WDR26: variants seen among roughly 807,000 people sequenced by gnomAD.
WDR26 encodes the protein WD repeat domain 26, also known as WD repeat-containing protein 26.
In WDR26, 5 loss-of-function variants were observed where a neutral mutation model predicts 84.1. The ratio of observed to expected loss-of-function variants is 0.06; its 90% CI spans 0.03 to 0.13. WDR26 has a LOEUF of 0.13. WDR26 is among the 10% of genes least tolerant of loss of function. WDR26 has a pLI of 1.00. For synonymous variants in WDR26, 415 were observed against 389.6 expected (o/e 1.07, Z -0.77); for missense variants, 642 against 974.9 (o/e 0.66, Z 4.55).
chr1:224,403,910 C>G (rs1422116536), intron 8 of WDR26, among the ~76,000 whole-genome samples: 1 of 152,188 alleles, frequency 6.6e-6, no homozygotes, highest in African/African-American at 2.4e-5. Context: ...GCACTCCAGC[C>G]TGGGCGACAG....
chr1:224,414,313 C>T (rs987590030), intron 6 of WDR26, among the ~76,000 whole-genome samples: 1 of 151,944 alleles, frequency 6.6e-6, no homozygotes, highest in Non-Finnish European at 1.5e-5. Context: ...GCCATGTTGC[C>T]CAGGCTGGTC....
intron 6 of WDR26, among the ~76,000 whole-genome samples, chr1:224,412,293 G>A (rs1183582259): frequency 6.6e-6 from 1 of 152,214 alleles, no homozygotes; most frequent in African/African-American, 2.4e-5. Flanking sequence ...GTAGTTAAGA[G>A]CAAAGCCTTA....
At chr1:224,416,259 ACT>A (rs1334070563) in intron 6 of WDR26, among the ~76,000 whole-genome samples, 1 of 150,120 alleles carries the variant, frequency 6.7e-6, no homozygotes, top group Non-Finnish European at 1.5e-5. Flanking sequence ...ATGAAGTCTC[ACT>A]CTGTCGCCCA....
At chr1:224,427,211 T>C (rs1427514333) in intron 3 of WDR26, among the ~76,000 whole-genome samples, 1 of 151,764 alleles carries the variant, frequency 6.6e-6, no homozygotes, top group Non-Finnish European at 1.5e-5. Flanking sequence ...AAATGTCACA[T>C]GGAACTGGCC....
In WDR26 at chr1:224,387,792, T is replaced by C. The variant is rs1290631319; in HGVS notation, c.*2043A>G. ...GGGTATACATGAATCACTTAAAATATGAATGGTTTTTAACTATACTGAGGT... is the reference window on the plus strand; with the variant it reads ...GGGTATACATGAATCACTTAAAATACGAATGGTTTTTAACTATACTGAGGT... On this transcript the variant is annotated 3_prime_UTR_variant, in exon 14 of 14. Transcript: ENST00000414423. 1 of 152,630 alleles carries C rather than the reference T, an allele frequency of 6.6e-6. No homozygotes were observed. Among genetic ancestry groups the C allele is most frequent in the African/African-American group, 2.4e-5 (1 of 41,438 alleles). The allele number at this position is 152,630 out of a possible 1,614,324, so 9.5% of individuals were successfully genotyped here. A position where few individuals can be genotyped will look rare whatever the true frequency, so the allele number is the denominator to read the frequency against.
At chr1:224,403,994 A>C (rs1020192095) in intron 8 of WDR26, among the ~76,000 whole-genome samples, 3 of 152,216 alleles carry the variant, frequency 2.0e-5, no homozygotes, top group African/African-American at 7.2e-5. Context: ...ATAAGTACTG[A>C]AAACATCAGT....
rs928892193 is a variant in WDR26 at position 224,413,183 on chromosome 1, T to C, written c.1320-1618A>G. On this transcript the variant is annotated intron_variant, in intron 6 of 13. Coordinates refer to ENST00000414423, the MANE Select transcript of WDR26 (RefSeq NM_001379403.1). ...CAGCCTGGGTGACAGAGTGAGATAG[T>C]CTCAAACAACAACAACAACAAAAAC... 9 of 718,224 alleles carry C rather than the reference T, an allele frequency of 1.3e-5. No homozygotes were observed. In the South Asian group the frequency reaches 2.4e-4, roughly 19 times the overall value. 44.5% of individuals were successfully genotyped at this position (718,224 alleles called of 1,614,324 possible).
Position 224,434,443 on chromosome 1 carries a change from CG to C in WDR26, c.-39del. The C allele has an allele frequency of 9.3e-6, 1 of 107,818 alleles. No homozygotes were observed. Among genetic ancestry groups the C allele is most frequent in the Non-Finnish European group, 1.5e-5 (1 of 65,298 alleles). The allele number at this position is 107,818 out of a possible 1,614,324, so 6.7% of individuals were successfully genotyped here. On this transcript the variant is annotated 5_prime_UTR_variant, in exon 1 of 14. Coordinates refer to ENST00000414423, the MANE Select transcript of WDR26 (RefSeq NM_001379403.1). ...GTGGGGCGAGGCGGGGGAGGGGAGG[CG>C]GGGGCCGGGGAGAGGGTCGGGGTGA... is the stretch of plus-strand genomic sequence containing the variant.
chr1:224,398,492 GA>G (rs1553353189), intron 11 of WDR26, 22 bp downstream of exon 11: 1 of 1,569,788 alleles, frequency 6.4e-7, no homozygotes, highest in Non-Finnish European at 8.6e-7. Context: ...AAATTTTTCA[GA>G]AAATTATACT....
chr1:224,407,106 A>T (rs1673588000), intron 7 of WDR26, among the ~76,000 whole-genome samples: 1 of 126,986 alleles, frequency 7.9e-6, no homozygotes. Context: ...TGGGCGACAC[A>T]GCGAGACTCT....
At position 224,407,046 on chromosome 1, in the gene WDR26, C is replaced by T. The variant is rs1326207110; in HGVS notation, c.1459-2476G>A. ...CTGAGGCAGGAGAATTGCTTGAACCCGGGAGGTGAAGGTTACAGTGAGCCA... is the reference window on the plus strand; with the variant it reads ...CTGAGGCAGGAGAATTGCTTGAACCTGGGAGGTGAAGGTTACAGTGAGCCA... On this transcript the variant is annotated intron_variant, in intron 7 of 13. Transcript: ENST00000414423. Among the ~76,000 whole-genome samples the T allele has an allele frequency of 8.5e-5, 12 of 141,464 alleles. No individual in the cohort carries two copies. The East Asian group carries it at 2.4e-3, about 29-fold the overall frequency. The allele number at this position is 141,464 out of a possible 152,430, so 92.8% of individuals were successfully genotyped here. A position where few individuals can be genotyped will look rare whatever the true frequency, so the allele number is the denominator to read the frequency against.
chr1:224,412,564 C>A (rs6675269), intron 6 of WDR26, among the ~76,000 whole-genome samples: 149,375 of 152,318 alleles, frequency 0.98, 73,307 homozygotes, highest in East Asian at 1. Flanking sequence ...AAGGGCAAAG[C>A]ATTTTGTGAT....
At chr1:224,407,062 C>G (rs1218756209) in intron 7 of WDR26, among the ~76,000 whole-genome samples, 1 of 134,808 alleles carries the variant, frequency 7.4e-6, no homozygotes, top group Non-Finnish European at 1.5e-5. Flanking sequence ...GTGAAGGTTA[C>G]AGTGAGCCAA....
chr1:224,388,872 A>G lies in WDR26; in HGVS notation c.*963T>C. On this transcript the variant is annotated 3_prime_UTR_variant, in exon 14 of 14. Transcript: ENST00000414423. The stretch of plus-strand genomic sequence containing the variant: ...AAAACCAACTGACTACTGATGTCTC[A>G]TGTTGGTGTATTTAAAATTCTTTTT... 1 of 152,584 alleles carries G rather than the reference A, an allele frequency of 6.6e-6. No homozygotes were observed. Among genetic ancestry groups the G allele is most frequent in the East Asian group, 1.9e-4 (1 of 5,194 alleles). 9.5% of individuals were successfully genotyped at this position (152,584 alleles called of 1,614,324 possible).
chr1:224,400,316 T>C (rs1301944691), intron 9 of WDR26, among the ~76,000 whole-genome samples: 1 of 151,300 alleles, frequency 6.6e-6, no homozygotes, highest in East Asian at 1.9e-4. Flanking sequence ...TACAAAAATC[T>C]CAAAAGAAAT....
At chr1:224,414,031 C>T (rs1015082953) in intron 6 of WDR26, among the ~76,000 whole-genome samples, 9 of 151,614 alleles carry the variant, frequency 5.9e-5, no homozygotes, top group Non-Finnish European at 8.8e-5. Context: ...AGGCTGGTCT[C>T]GAACTCCTGA....
At chr1:224,410,774 C>T (rs935128998) in intron 7 of WDR26, among the ~76,000 whole-genome samples, 3 of 149,138 alleles carry the variant, frequency 2.0e-5, no homozygotes, top group Non-Finnish European at 1.5e-5. Flanking sequence ...TCACAGCTCA[C>T]TGTAGCCTCC....
chr1:224,400,181 G>A (rs1673372136), intron 9 of WDR26, among the ~76,000 whole-genome samples: 2 of 151,898 alleles, frequency 1.3e-5, no homozygotes, highest in Admixed American at 1.3e-4. Context: ...AAAATAATTA[G>A]GGCAGCTACT....
intron 7 of WDR26, among the ~76,000 whole-genome samples, chr1:224,408,190 T>G (rs1177245589): frequency 6.6e-6 from 1 of 152,216 alleles, no homozygotes; most frequent in Non-Finnish European, 1.5e-5. Flanking sequence ...CCAAACCACC[T>G]AAATGCCATG....
Sources: gnomAD v4.1 joint callset for allele counts (sites outside exome capture counted in the v4.1 genomes callset) on GRCh38, gnomAD v4.1.1 for gene constraint, MANE v1.5 for transcripts, NCBI Gene and HGNC (gene_info 2026-07-23, HGNC 2026-07-21) for gene names.